ARFGEF2: variants seen among roughly 807,000 people sequenced by gnomAD.
ARFGEF2 encodes the protein brefeldin A-inhibited guanine nucleotide-exchange protein 2.
In ARFGEF2, 74 loss-of-function variants were observed where a neutral mutation model predicts 219.9. That is an observed-to-expected ratio of 0.34 (90% CI 0.28 to 0.41). ARFGEF2 has a LOEUF of 0.41. ARFGEF2 is among the 10% of genes least tolerant of loss of function. The pLI, the probability that ARFGEF2 is intolerant of heterozygous loss-of-function variation, is 1.00. For synonymous variants in ARFGEF2, 733 were observed against 799.2 expected, an observed-to-expected ratio of 0.92 and a Z score of 1.40; for missense variants, 1,743 against 2,218.3, an observed-to-expected ratio of 0.79 and a Z score of 4.30.
At chr20:48,948,284 C>G (rs970608648) in intron 3 of ARFGEF2, among the ~76,000 whole-genome samples, 1 of 152,114 alleles carries the variant, frequency 6.6e-6, no homozygotes, top group Non-Finnish European at 1.5e-5. Flanking sequence ...ACATTCAACA[C>G]CGTTATCAGG....
chr20:48,995,909 T>C (rs757743550), intron 23 of ARFGEF2, 27 bp downstream of exon 23: 2 of 1,598,794 alleles, frequency 1.3e-6, no homozygotes, highest in Non-Finnish European at 8.6e-7. Context: ...TCAGTGACCC[T>C]GAACTACACA....
intron 37 of ARFGEF2, among the ~76,000 whole-genome samples, chr20:49,031,785 G>A (rs886116688): frequency 6.6e-6 from 1 of 151,892 alleles, no homozygotes; most frequent in Admixed American, 6.6e-5. Context: ...GCATGGTGGC[G>A]CAAGCATGTA....
At chr20:48,936,504 C>T (rs2090958860) in intron 1 of ARFGEF2, among the ~76,000 whole-genome samples, 1 of 151,906 alleles carries the variant, frequency 6.6e-6, no homozygotes, top group Admixed American at 6.6e-5. Flanking sequence ...GGGGCGGTTG[C>T]CGGGCAGAGG....
rs1338525355 is a variant in ARFGEF2, at chr20:49,036,423, T to TA, written c.*3228dup. 2.5e-6 allele frequency: 1 copy of TA among 394,640 alleles called. No individual in the cohort carries two copies. Among genetic ancestry groups the TA allele is most frequent in the African/African-American group, 2.1e-5 (1 of 48,564 alleles). The allele number at this position is 394,640 out of a possible 1,614,324, so 24.4% of individuals were successfully genotyped here. On this transcript the variant is annotated 3_prime_UTR_variant, in exon 39 of 39. Coordinates refer to ENST00000371917, the MANE Select transcript of ARFGEF2 (RefSeq NM_006420.3). The stretch of plus-strand genomic sequence containing the variant: ...CATATTTGCATCAAATATTTATGTG[T>TA]AAAATGTATGTTTTACCTCCTTAAA...
chr20:49,017,368 A>G lies in ARFGEF2; in HGVS notation c.4435A>G (p.Lys1479Glu). 3 of 1,614,072 alleles carry G rather than the reference A, an allele frequency of 1.9e-6. No individual in the cohort carries two copies. The change falls in exon 32 of 39, where the codon AAA (lysine) becomes GAA (glutamate). Residue 1479 changes from lysine (K) to glutamate (E), a missense_variant. By Grantham distance (56) the Lys-to-Glu change is moderately conservative (BLOSUM62 1). Transcript: ENST00000371917. Reference protein sequence around the residue: ...ETCNCMLDIFKTTIPHVLLTW... With the variant: ...ETCNCMLDIFETTIPHVLLTW... ...CTGCAACTGTATGTTGGATATTTTC[A>G]AAACAACCATCCCACATGTGTAAGT... is the stretch of plus-strand genomic sequence containing the variant.
intron 6 of ARFGEF2, among the ~76,000 whole-genome samples, chr20:48,962,418 A>G (rs1295373881): frequency 1.3e-5 from 2 of 152,138 alleles, no homozygotes; most frequent in Non-Finnish European, 2.9e-5. Context: ...TTCCTGGACC[A>G]CTATTGTATA....
intron 22 of ARFGEF2, among the ~76,000 whole-genome samples, chr20:48,995,006 C>A (rs1267120513): frequency 1.3e-5 from 2 of 152,124 alleles, no homozygotes; most frequent in East Asian, 1.9e-4. Flanking sequence ...AGAATTATTT[C>A]TCTGGCTATA....
chr20:48,933,880 A>G, intron 1 of ARFGEF2, among the ~76,000 whole-genome samples: 1 of 151,934 alleles, frequency 6.6e-6, no homozygotes, highest in East Asian at 1.9e-4. Flanking sequence ...AGCACTTTGG[A>G]AGGCTGAGGC....
chr20:48,930,732 T>C (rs1403679909), intron 1 of ARFGEF2, among the ~76,000 whole-genome samples: 3 of 152,148 alleles, frequency 2.0e-5, no homozygotes, highest in Non-Finnish European at 4.4e-5. Flanking sequence ...ATGAGCCTGA[T>C]GTTCATAAGA....
intron 6 of ARFGEF2, among the ~76,000 whole-genome samples, chr20:48,957,719 CCA>C (rs538634600): frequency 5.8e-4 from 88 of 152,284 alleles, no homozygotes; most frequent in African/African-American, 2.0e-3. Context: ...GGGAAGCAGT[CCA>C]CAGTTACTGG....
chr20:48,928,834 C>G (rs1443338399), intron 1 of ARFGEF2, among the ~76,000 whole-genome samples: 1 of 152,206 alleles, frequency 6.6e-6, no homozygotes, highest in African/African-American at 2.4e-5. Flanking sequence ...GAATGCTTGC[C>G]TTTCTCTACC....
At chr20:48,927,848 T>A (rs2090887842) in intron 1 of ARFGEF2, among the ~76,000 whole-genome samples, 2 of 152,174 alleles carry the variant, frequency 1.3e-5, no homozygotes, top group South Asian at 4.1e-4. Context: ...ATAACAGGAC[T>A]CAGGACCCTG....
chr20:48,947,701 A>C (rs1568697288), intron 3 of ARFGEF2, among the ~76,000 whole-genome samples: 2 of 152,136 alleles, frequency 1.3e-5, no homozygotes, highest in Non-Finnish European at 2.9e-5. Context: ...CTAAAAATAC[A>C]AAAAATTAGC....
intron 14 of ARFGEF2, among the ~76,000 whole-genome samples, chr20:48,982,991 C>G (rs189754793): frequency 1.6e-3 from 240 of 152,268 alleles, no homozygotes; most frequent in Middle Eastern, 3.4e-3. Context: ...GCTCACCCTA[C>G]GTGGGCTGCA....
At chr20:49,032,769 T>A (rs2091644244) in intron 38 of ARFGEF2, among the ~76,000 whole-genome samples, 1 of 151,960 alleles carries the variant, frequency 6.6e-6, no homozygotes, top group Non-Finnish European at 1.5e-5. Flanking sequence ...GTTTTTGTAT[T>A]TTTGGTAGAG....
chr20:48,998,479 C>A lies in ARFGEF2; in HGVS notation c.3406C>A (p.His1136Asn). Residue 1136 changes from histidine to asparagine, a missense_variant, in exon 25 of 39, where the codon CAT becomes AAT. Around this residue, in one of 5 missense-constraint regions of ARFGEF2, gnomAD observed 102 missense variants for 146.8 expected, o/e 0.69. Transcript: ENST00000371917. ...CCGACTACAGTGGTCTCGAATATGG[C>A]ATGTGATTGGAGATCACTTCAATAA... Reference protein sequence around the residue: ...RIRLQWSRIWHVIGDHFNKVG... With the variant: ...RIRLQWSRIWNVIGDHFNKVG... 1 of 1,613,202 alleles carries A rather than the reference C, an allele frequency of 6.2e-7. No homozygotes were observed. The highest frequency in any genetic ancestry group is 8.5e-7 in the Non-Finnish European group (1 of 1,179,936).
chr20:48,973,675 A>G (rs2123422078), intron 12 of ARFGEF2, among the ~76,000 whole-genome samples: 1 of 152,326 alleles, frequency 6.6e-6, no homozygotes, highest in East Asian at 1.9e-4. Context: ...GAGATTGGCT[A>G]GTAGCAGAAT....
chr20:48,963,708 G>A (rs1172370136), intron 6 of ARFGEF2, 122 bp from the exon 7 acceptor site: 3 of 933,782 alleles, frequency 3.2e-6, no homozygotes, highest in Non-Finnish European at 5.1e-6. Context: ...TTGGCCTTGG[G>A]GAGAACTTAT....
chr20:48,988,212 G>A (rs1005979253), intron 16 of ARFGEF2, 92 bp from the exon 17 acceptor site: 17 of 900,656 alleles, frequency 1.9e-5, no homozygotes, highest in African/African-American at 4.9e-5. Flanking sequence ...GGGAGTAGTC[G>A]GCTGCTTTTC....
Sources: gnomAD v4.1 joint callset for allele counts (sites outside exome capture counted in the v4.1 genomes callset) on GRCh38, gnomAD v4.1.1 for gene constraint, gnomAD v4.1.1 regional missense constraint, MANE v1.5 for transcripts, NCBI Gene and HGNC (gene_info 2026-07-23, HGNC 2026-07-21) for gene names.